Variants in ZNF469 observed in about 807,000 individuals in gnomAD.
ZNF469 encodes zinc finger protein 469.
ZNF469 carries 1 observed loss-of-function variant against 1.0 expected under a neutral mutation model. The ratio of observed to expected loss-of-function variants is 1.00; its 90% CI spans 0.35 to 4.73. The LOEUF is 4.73. ZNF469 is among the 30% of genes most tolerant of loss of function. ZNF469 has a pLI of 0.16. For missense variants in ZNF469, 6,100 were observed against 5,356.3 expected, an observed-to-expected ratio of 1.14 and a Z score of -4.33; for synonymous variants, 2,703 against 2,363.4, an observed-to-expected ratio of 1.14 and a Z score of -4.17.
At chr16:88,299,067 C>T in the ZNF469 span, among the ~76,000 whole-genome samples, 1 of 150,996 alleles carries the variant, frequency 6.6e-6, no homozygotes, top group African/African-American at 2.4e-5. Flanking sequence ...GAAAGGCCTG[C>T]AAGCCAATGG....
upstream of ZNF469, among the ~76,000 whole-genome samples, chr16:88,379,374 G>A (rs2092515695): frequency 6.6e-6 from 1 of 152,144 alleles, no homozygotes; most frequent in African/African-American, 2.4e-5. Flanking sequence ...CAGACACAGG[G>A]GACCTTCCCA....
chr16:88,380,961 C>G (rs1490981858), upstream of ZNF469, among the ~76,000 whole-genome samples: 4 of 146,932 alleles, frequency 2.7e-5, no homozygotes, highest in African/African-American at 1.0e-4. Context: ...CCCTCACACA[C>G]AGACATGCAC....
the ZNF469 span, among the ~76,000 whole-genome samples, chr16:88,186,892 G>C: frequency 1.3e-5 from 2 of 152,016 alleles, no homozygotes; most frequent in Admixed American, 1.3e-4. Flanking sequence ...AGAGGAGCTG[G>C]CTGCCGAGAT....
chr16:88,346,952 G>C, the ZNF469 span, among the ~76,000 whole-genome samples: 1 of 152,188 alleles, frequency 6.6e-6, no homozygotes, highest in Non-Finnish European at 1.5e-5. Context: ...CTCGGGAGAA[G>C]GCCCTCGTTC....
At chr16:88,188,739 G>A in the ZNF469 span, among the ~76,000 whole-genome samples, 1 of 152,120 alleles carries the variant, frequency 6.6e-6, no homozygotes, top group Admixed American at 6.5e-5. Flanking sequence ...TGTAGCTCTC[G>A]GGAGCCCATT....
chr16:88,262,981 C>T, the ZNF469 span, among the ~76,000 whole-genome samples: 9 of 152,188 alleles, frequency 5.9e-5, no homozygotes, highest in Non-Finnish European at 8.8e-5. This position sits in a 1 kb window ranked among gnomAD's most constrained non-coding sequence, Gnocchi z 4.3. Flanking sequence ...GTTTCATTAG[C>T]GACAGCTGGG....
chr16:88,130,719 A>T, the ZNF469 span, among the ~76,000 whole-genome samples: 1 of 151,964 alleles, frequency 6.6e-6, no homozygotes, highest in South Asian at 2.1e-4. Flanking sequence ...AAAAAAAAAA[A>T]AAAAAAAAGA....
At chr16:88,387,841 C>T (rs754812651) in intron 1 of ZNF469, among the ~76,000 whole-genome samples, 102 of 152,178 alleles carry the variant, frequency 6.7e-4, no homozygotes, top group Non-Finnish European at 1.9e-4. Context: ...CTCTGCCCCC[C>T]GCCGTGGAGG....
the ZNF469 span, among the ~76,000 whole-genome samples, chr16:88,341,356 T>C: frequency 6.6e-6 from 1 of 152,202 alleles, no homozygotes; most frequent in East Asian, 1.9e-4. Flanking sequence ...TTTGGAATCT[T>C]GCTCCTGGTG....
chr16:88,136,922 A>C, the ZNF469 span, among the ~76,000 whole-genome samples: 1 of 152,248 alleles, frequency 6.6e-6, no homozygotes, highest in Non-Finnish European at 1.5e-5. Context: ...TCTGTCCTCC[A>C]CACTCAAAGA....
the ZNF469 span, among the ~76,000 whole-genome samples, chr16:88,111,077 G>A: frequency 1.3e-5 from 2 of 152,214 alleles, no homozygotes; most frequent in Non-Finnish European, 2.9e-5. Flanking sequence ...AGGCACCTGG[G>A]CCGGTGCGAC....
chr16:88,373,212 G>C, the ZNF469 span, among the ~76,000 whole-genome samples: 1 of 152,222 alleles, frequency 6.6e-6, no homozygotes, highest in African/African-American at 2.4e-5. Flanking sequence ...CTTGCCCAAA[G>C]TCACCCAACT....
chr16:88,385,684 T>C (rs1413987575), intron 1 of ZNF469, among the ~76,000 whole-genome samples: 2 of 151,868 alleles, frequency 1.3e-5, no homozygotes, highest in African/African-American at 4.8e-5. Context: ...CCTGCCTCCT[T>C]GTCCAAACAT....
Position 88,429,655 on chromosome 16 carries a change from G to C in ZNF469, c.2185G>C (p.Val729Leu), listed in dbSNP as rs895819123. 9 of 1,542,570 alleles carry C rather than the reference G, an allele frequency of 5.8e-6. No individual in the cohort carries two copies. The highest frequency in any genetic ancestry group is 2.7e-5 in the African/African-American group (2 of 72,888). Residue 729 changes from valine to leucine, a missense_variant, in exon 3 of 3, where the codon GTG becomes CTG. Coordinates refer to ENST00000565624, the MANE Select transcript of ZNF469 (RefSeq NM_001367624.2). ...LSSASLDQLDVLLTCRQCDRN... is the reference protein window; with the variant it reads ...LSSASLDQLDLLLTCRQCDRN... ...CAGCGCCAGCCTGGACCAGCTGGACGTGCTGCTGACCTGCAGGCAGTGTGA... is the reference window on the plus strand; with the variant it reads ...CAGCGCCAGCCTGGACCAGCTGGACCTGCTGCTGACCTGCAGGCAGTGTGA...
At chr16:88,148,702 CAG>C in the ZNF469 span, among the ~76,000 whole-genome samples, 8 of 152,168 alleles carry the variant, frequency 5.3e-5, no homozygotes, top group Non-Finnish European at 1.0e-4. Context: ...AACCCTGTCT[CAG>C]GCGTCTGCCA....
chr16:88,111,260 T>C, the ZNF469 span, among the ~76,000 whole-genome samples: 6 of 152,242 alleles, frequency 3.9e-5, no homozygotes, highest in African/African-American at 1.4e-4. Context: ...TAAAGACTTT[T>C]TTTTGTGGGT....
chr16:88,229,929 G>A, the ZNF469 span, among the ~76,000 whole-genome samples: 35 of 152,264 alleles, frequency 2.3e-4, no homozygotes, highest in Non-Finnish European at 2.8e-4. Context: ...TCCCGGGGGC[G>A]CGCTCTGTTC....
chr16:88,291,853 C>T, the ZNF469 span, among the ~76,000 whole-genome samples: 4 of 152,174 alleles, frequency 2.6e-5, no homozygotes, highest in Non-Finnish European at 4.4e-5. Flanking sequence ...CACCCAGGTC[C>T]GTCCTCCCTG....
intron 1 of ZNF469, among the ~76,000 whole-genome samples, chr16:88,402,795 C>T (rs1473413962): frequency 1.3e-5 from 2 of 152,204 alleles, no homozygotes; most frequent in African/African-American, 4.8e-5. Context: ...TCATCTCCCA[C>T]TGAACTCCCT....
Sources: allele counts gnomAD v4.1 joint callset (sites outside exome capture counted in the v4.1 genomes callset), GRCh38; gene constraint gnomAD v4.1.1; non-coding constraint Gnocchi (gnomAD v3.1); transcripts MANE v1.5; gene names NCBI Gene and HGNC (gene_info 2026-07-23, HGNC 2026-07-21).